COL4A4: variants seen among roughly 807,000 people sequenced by gnomAD.
COL4A4 encodes collagen alpha-4(IV) chain.
A neutral mutation model predicts 192.9 loss-of-function variants in COL4A4; 105 were observed. The ratio of observed to expected loss-of-function variants is 0.54; its 90% CI spans 0.46 to 0.64. COL4A4 has a LOEUF of 0.64. COL4A4 is among the 30% of genes least tolerant of loss of function. The pLI is 0.00. For missense variants in COL4A4, 1,967 were observed against 2,169.3 expected (o/e 0.91, Z 1.85); for synonymous variants, 762 against 769.9 (o/e 0.99, Z 0.17).
At chr2:227,034,678 C>G (rs1969216169) in intron 37 of COL4A4, among the ~76,000 whole-genome samples, 14 of 149,960 alleles carry the variant, frequency 9.3e-5, no homozygotes, top group African/African-American at 3.0e-4. Context: ...AACTCGTCAT[C>G]TAGCATTAGG....
At chr2:227,082,541 T>C (rs2059378854) in intron 22 of COL4A4, among the ~76,000 whole-genome samples, 1 of 152,240 alleles carries the variant, frequency 6.6e-6, no homozygotes, top group Non-Finnish European at 1.5e-5. Flanking sequence ...ATGGGAACTT[T>C]ATGACTGTGC....
At chr2:227,049,621 C>G (rs1447529682) in intron 34 of COL4A4, among the ~76,000 whole-genome samples, 7 of 152,262 alleles carry the variant, frequency 4.6e-5, no homozygotes, top group African/African-American at 1.7e-4. Context: ...TTAGCACCTG[C>G]TGGAAAGTCA....
At position 227,054,575 on chromosome 2, in the gene COL4A4, A is replaced by C; in HGVS notation, c.2860+19T>G. ...AATACCAGAAACAAATGCATGTTGC[A>C]TGGCTGTATTTTATTTACCTTTGGC... is the stretch of plus-strand genomic sequence containing the variant. On this transcript the variant is annotated intron_variant, in intron 31 of 47. Transcript: ENST00000396625. The C allele has an allele frequency of 6.2e-7, 1 of 1,613,944 alleles. No individual in the cohort carries two copies. Among genetic ancestry groups the C allele is most frequent in the Non-Finnish European group, 8.5e-7 (1 of 1,179,806 alleles).
intron 30 of COL4A4, 94 bp downstream of exon 30, chr2:227,055,850 TA>T: frequency 8.9e-7 from 1 of 1,124,506 alleles, no homozygotes; most frequent in South Asian, 1.4e-5. Flanking sequence ...GACTAACAGT[TA>T]ACTCTTTTTG....
At chr2:227,021,850 T>TAA (rs1305799933) in intron 44 of COL4A4, among the ~76,000 whole-genome samples, 198 bp downstream of exon 44, 4 of 151,578 alleles carry the variant, frequency 2.6e-5, no homozygotes, top group Admixed American at 6.6e-5. Flanking sequence ...TAAAATAAAA[T>TAA]AATAGAAGGG....
chr2:227,011,558 G>T (rs58580037), intron 45 of COL4A4, among the ~76,000 whole-genome samples: 74,200 of 152,032 alleles, frequency 0.49, 18,610 homozygotes, highest in African/African-American at 0.61. Flanking sequence ...CCTGGCCAGG[G>T]ACTCTCTGGA....
chr2:227,088,616 CTT>C, intron 22 of COL4A4, 35 bp downstream of exon 22: 1 of 1,610,848 alleles, frequency 6.2e-7, no homozygotes, highest in Non-Finnish European at 8.5e-7. Context: ...TACCATGTCT[CTT>C]TTAACTGGAA....
chr2:227,089,846 T>C, intron 21 of COL4A4, 22 bp downstream of exon 21: 1 of 1,587,078 alleles, frequency 6.3e-7, no homozygotes, highest in Non-Finnish European at 8.7e-7. Context: ...TTCTAGAAAT[T>C]CTACCTTTGG....
At chr2:227,131,451 T>C (rs1174441018) in intron 4 of COL4A4, among the ~76,000 whole-genome samples, 1 of 151,966 alleles carries the variant, frequency 6.6e-6, no homozygotes, top group African/African-American at 2.4e-5. Flanking sequence ...CAACCTACCC[T>C]GCCCCTGTCT....
At chr2:227,053,221 CTCTTTGAT>C (rs36211180) in intron 31 of COL4A4, among the ~76,000 whole-genome samples, 51,739 of 151,526 alleles carry the variant, frequency 0.34, 9,371 homozygotes, top group South Asian at 0.49. Flanking sequence ...CAAAGAGTGA[CTCTTTGAT>C]TCTTTGATTC....
At chr2:227,135,851 C>T (rs1382747749) in intron 4 of COL4A4, among the ~76,000 whole-genome samples, 1 of 151,940 alleles carries the variant, frequency 6.6e-6, no homozygotes, top group African/African-American at 2.4e-5. Flanking sequence ...ACCATGTTGG[C>T]CAGGCTGGTC....
rs772093309 is a variant in COL4A4 at position 227,118,674 on chromosome 2, T to C, written c.460A>G (p.Arg154Gly). 1 of 1,613,958 alleles carries C rather than the reference T, an allele frequency of 6.2e-7. No homozygotes were observed. The highest frequency in any genetic ancestry group is 8.5e-7 in the Non-Finnish European group (1 of 1,179,988). The change falls in exon 7 of 48, where the codon AGA becomes GGA. Residue 154 changes from arginine to glycine, a missense_variant. Coordinates refer to ENST00000396625, the MANE Select transcript of COL4A4 (RefSeq NM_000092.5). ...GGGCCTCCTGGGCCAAGAGCTCCTC[T>C]TCCTCCTGGAAACCCTGGGTCACCT... ...SRGDPGFPGG[R>G]GALGPGGPLG...
intron 19 of COL4A4, among the ~76,000 whole-genome samples, chr2:227,094,953 C>T (rs558629087): frequency 2.0e-5 from 3 of 152,084 alleles, no homozygotes; most frequent in African/African-American, 4.8e-5. Context: ...GATTACTAGC[C>T]GTAAAGCAGG....
Position 227,103,959 on chromosome 2 carries a change from A to C in COL4A4, c.816+13T>G, listed in dbSNP as rs1282507469. On this transcript the variant is annotated intron_variant, in intron 13 of 47. Coordinates refer to ENST00000396625, the MANE Select transcript of COL4A4 (RefSeq NM_000092.5). ...TGCTACTTTCCAAGGTGACATATGG[A>C]TTTGGGAATTACCTTTTCTCCTTTA... 5 of 1,604,374 alleles carry C rather than the reference A, an allele frequency of 3.1e-6. No homozygotes were observed. In the South Asian group the frequency reaches 5.5e-5, roughly 18 times the overall value.
chr2:227,161,503 C>A (rs2064830203), intron 1 of COL4A4, among the ~76,000 whole-genome samples: 1 of 152,172 alleles, frequency 6.6e-6, no homozygotes, highest in African/African-American at 2.4e-5. Flanking sequence ...GACCCAAAGA[C>A]AATTTTTTTA....
chr2:227,143,569 G>C (rs1047756700), intron 3 of COL4A4, among the ~76,000 whole-genome samples: 4 of 152,068 alleles, frequency 2.6e-5, no homozygotes, highest in Admixed American at 2.6e-4. Flanking sequence ...ATGTTTACTT[G>C]TATGCAATAT....
At chr2:227,056,855 C>A (rs768102460) in intron 29 of COL4A4, among the ~76,000 whole-genome samples, 35 of 152,192 alleles carry the variant, frequency 2.3e-4, no homozygotes, top group Non-Finnish European at 4.7e-4. Flanking sequence ...GAAGGCACAC[C>A]AAATCTGCTG....
At chr2:226,988,553 C>T in the COL4A4 span, 215 of 1,415,542 alleles carry the variant, frequency 1.5e-4, no homozygotes, top group Non-Finnish European at 1.9e-4. Flanking sequence ...GCCCTCTCTG[C>T]GGACTGGTGT....
chr2:227,052,385 CCTT>C lies in COL4A4; in HGVS notation c.2885_2887del (p.Glu962del), dbSNP rs770269669. 1.9e-6 allele frequency: 3 copies of C among 1,612,370 alleles called. No individual in the cohort carries two copies. The South Asian group carries it at 3.3e-5, about 18-fold the overall frequency. On this transcript the variant is annotated inframe_deletion, in exon 32 of 48. Coordinates refer to ENST00000396625, the MANE Select transcript of COL4A4 (RefSeq NM_000092.5). The stretch of plus-strand genomic sequence containing the variant: ...CTTTTGTGAAATGATAGCCATTTCT[CCTT>C]CATCTCCGGGAGGTCCTATGGCTCC...
Sources: allele counts gnomAD v4.1 joint callset (sites outside exome capture counted in the v4.1 genomes callset), GRCh38; gene constraint gnomAD v4.1.1; transcripts MANE v1.5; gene names NCBI Gene and HGNC (gene_info 2026-07-23, HGNC 2026-07-21).